The following FABP12 variants were observed in gnomAD, a reference collection of about 807,000 sequenced individuals.
The protein encoded by FABP12 is fatty acid-binding protein 12.
Under a neutral mutation model 13.7 loss-of-function variants are expected in FABP12, and 19 were observed. The ratio of observed to expected loss-of-function variants is 1.39; its 90% CI spans 0.97 to 2.04. The LOEUF (loss-of-function observed/expected upper bound fraction) is 2.04, where lower values mean the gene tolerates loss of function less well. Ranked by LOEUF, FABP12 falls within the 30% of genes most tolerant of loss-of-function variation. FABP12 has a pLI of 0.00. For missense variants in FABP12, 182 were observed against 164.2 expected, an observed-to-expected ratio of 1.11 and a Z score of -0.59; for synonymous variants, 61 against 57.0, an observed-to-expected ratio of 1.07 and a Z score of -0.32.
Position 81,529,514 on chromosome 8 carries a change from A to T in FABP12, c.170T>A (p.Ile57Asn). The T allele has an allele frequency of 6.2e-7, 1 of 1,613,908 alleles. No individual in the cohort carries two copies. The highest frequency in any genetic ancestry group is 1.6e-4 in the Middle Eastern group (1 of 6,062). ...AAAGGAGATCTCATTATTTTTAAAG[A>T]TGCTTTTGGTTTTTATTGTGATGAC... The change falls in exon 3 of 5, where the codon ATC becomes AAC. Residue 57 changes from isoleucine to asparagine, a missense_variant. Transcript: ENST00000360464.
intron 3 of FABP12, chr8:81,529,236 G>C: frequency 1.7e-6 from 1 of 603,724 alleles, no homozygotes. Context: ...AATTTTCAGG[G>C]CCTCTGGCAG....
At chr8:81,525,173 T>C in intron 4 of FABP12, 53 bp from the exon 5 acceptor site, 1 of 1,202,556 alleles carries the variant, frequency 8.3e-7, no homozygotes, top group South Asian at 1.3e-5. Flanking sequence ...GAAATTAACA[T>C]TTAGAAAAGT....
intron 1 of FABP12, among the ~76,000 whole-genome samples, chr8:81,569,861 G>A (rs887382911): frequency 2.0e-5 from 3 of 152,184 alleles, no homozygotes; most frequent in African/African-American, 7.2e-5. Flanking sequence ...CCTGTGGCCG[G>A]TGGTGCCTTT....
intron 2 of FABP12, among the ~76,000 whole-genome samples, chr8:81,539,433 C>CTTTT (rs35386904): frequency 1.0e-4 from 5 of 50,018 alleles, no homozygotes; most frequent in African/African-American, 1.6e-4. Flanking sequence ...TTCTTTAGTT[C>CTTTT]TTTTTTTTTT....
At chr8:81,560,267 C>T (rs191281983) in intron 1 of FABP12, among the ~76,000 whole-genome samples, 227 of 152,278 alleles carry the variant, frequency 1.5e-3, no homozygotes, top group Non-Finnish European at 2.7e-3. Flanking sequence ...CTTCTATTCT[C>T]TATTTTCCTC....
At chr8:81,572,499 GTTTTAC>G (rs1345437707) in intron 1 of FABP12, among the ~76,000 whole-genome samples, 2 of 152,144 alleles carry the variant, frequency 1.3e-5, no homozygotes. Context: ...TCAAATGGTA[GTTTTAC>G]TTTTAGTTCT....
chr8:81,584,923 C>A (rs902630522), intron 1 of FABP12, among the ~76,000 whole-genome samples: 1 of 152,068 alleles, frequency 6.6e-6, no homozygotes, highest in Non-Finnish European at 1.5e-5. Context: ...TTTTCATATA[C>A]CTGTTGGCCA....
At chr8:81,543,301 AT>A (rs1809382719) in intron 1 of FABP12, among the ~76,000 whole-genome samples, 1 of 152,188 alleles carries the variant, frequency 6.6e-6, no homozygotes, top group African/African-American at 2.4e-5. Flanking sequence ...TCCAGAAACA[AT>A]TGCATATGAT....
intron 1 of FABP12, among the ~76,000 whole-genome samples, chr8:81,540,086 A>T (rs1809310626): frequency 6.6e-6 from 1 of 152,256 alleles, no homozygotes; most frequent in Non-Finnish European, 1.5e-5. Context: ...TCTAAGGCTC[A>T]GCAACTAAGG....
At chr8:81,545,682 T>C (rs1404948728) in intron 1 of FABP12, among the ~76,000 whole-genome samples, 1 of 152,240 alleles carries the variant, frequency 6.6e-6, no homozygotes, top group African/African-American at 2.4e-5. Flanking sequence ...TTCTGAGTTG[T>C]TAGAAAGTTG....
upstream of FABP12, among the ~76,000 whole-genome samples, chr8:81,537,104 T>C (rs1426707499): frequency 6.6e-6 from 1 of 152,230 alleles, no homozygotes; most frequent in East Asian, 1.9e-4. Context: ...CATTTTTATA[T>C]TTATGCCATG....
chr8:81,562,940 T>A lies in FABP12; in HGVS notation c.-184-23197A>T, dbSNP rs1283195828. Among the ~76,000 whole-genome samples the A allele has an allele frequency of 2.0e-5, 3 of 152,132 alleles. No homozygotes were observed. The East Asian group carries it at 5.8e-4, about 29-fold the overall frequency. ...TTCAGCCTTGAGCAAATGTAAGTGGTAGTCAGGCAATGATTACAGCAGGAC... is the reference window on the plus strand; with the variant it reads ...TTCAGCCTTGAGCAAATGTAAGTGGAAGTCAGGCAATGATTACAGCAGGAC... On this transcript the variant is annotated intron_variant, in intron 1 of 5. Transcript: ENST00000692030.
At chr8:81,581,792 CA>C (rs1810168006) in intron 1 of FABP12, among the ~76,000 whole-genome samples, 1 of 152,046 alleles carries the variant, frequency 6.6e-6, no homozygotes, top group Non-Finnish European at 1.5e-5. Flanking sequence ...GAGAATTAAT[CA>C]CAATTAGACT....
chr8:81,547,276 C>T (rs1026465777), intron 1 of FABP12, among the ~76,000 whole-genome samples: 3 of 152,208 alleles, frequency 2.0e-5, no homozygotes, highest in Admixed American at 2.0e-4. Flanking sequence ...CACACATACA[C>T]ACCACAGACA....
At chr8:81,550,526 T>C (rs1007154181) in intron 1 of FABP12, among the ~76,000 whole-genome samples, 18 of 152,182 alleles carry the variant, frequency 1.2e-4, no homozygotes, top group Non-Finnish European at 2.5e-4. Context: ...CTCCTCTCTT[T>C]CATTTCATGA....
intron 1 of FABP12, among the ~76,000 whole-genome samples, chr8:81,572,154 T>C (rs542308719): frequency 2.0e-5 from 3 of 151,634 alleles, no homozygotes; most frequent in South Asian, 4.2e-4. Context: ...ATCATTCTTA[T>C]GCCTTTGCAT....
intron 1 of FABP12, among the ~76,000 whole-genome samples, chr8:81,563,585 T>C (rs1238046700): frequency 2.6e-5 from 4 of 151,944 alleles, no homozygotes; most frequent in Admixed American, 6.5e-5. Flanking sequence ...AATAGGGAGA[T>C]TGAAATCATT....
chr8:81,576,384 G>C lies in FABP12; in HGVS notation c.-185+13669C>G, dbSNP rs542094723. ...AACTAAAAATGCAAGTATGTATATA[G>C]TAAAAGGTCTTCTCCCACTCTAGTT... On this transcript the variant is annotated intron_variant, in intron 1 of 5. Coordinates refer to the FABP12 transcript ENST00000692030. 3.9e-5 allele frequency among the ~76,000 whole-genome samples: 6 copies of C among 152,092 alleles called. No homozygotes were observed. The East Asian group carries it at 1.2e-3, about 29-fold the overall frequency.
chr8:81,527,520 G>A (rs918657618), intron 3 of FABP12, among the ~76,000 whole-genome samples: 9 of 151,630 alleles, frequency 5.9e-5, no homozygotes, highest in Non-Finnish European at 1.2e-4. Context: ...ATACCACCAC[G>A]CCCAGCTAAT....
Sources: gnomAD v4.1 joint callset for allele counts (sites outside exome capture counted in the v4.1 genomes callset) on GRCh38, gnomAD v4.1.1 for gene constraint, MANE v1.5 for transcripts, NCBI Gene and HGNC (gene_info 2026-07-23, HGNC 2026-07-21) for gene names.